FYB1: variants seen among roughly 807,000 people sequenced by gnomAD.
The protein encoded by FYB1 is FYN-binding protein 1.
Under a neutral mutation model 94.1 loss-of-function variants are expected in FYB1, and 41 were observed. The observed-to-expected ratio is 0.44, with a 90% CI of 0.34 to 0.57. The LOEUF is 0.57. Among genes scored for constraint, FYB1 ranks in the 20% least tolerant of loss-of-function variants. The pLI is 0.02. For missense variants in FYB1, 1,050 were observed against 976.8 expected (o/e 1.07, Z -1.00); for synonymous variants, 367 against 353.2 (o/e 1.04, Z -0.44).
chr5:39,138,693 T>G lies in FYB1; in HGVS notation c.1360-2A>C. The G allele has an allele frequency of 1.3e-6, 2 of 1,495,562 alleles. No individual in the cohort carries two copies. Among genetic ancestry groups the G allele is most frequent in the Non-Finnish European group, 1.9e-6 (2 of 1,080,842 alleles). The allele number at this position is 1,495,562 out of a possible 1,614,324, so 92.6% of individuals were successfully genotyped here. ...TGTTTCTCCTTCACTGTCTTGTTCC[T>G]GTAAAGAAAAACATTGATAATGATT... On this transcript the variant is annotated splice_acceptor_variant, in intron 5 of 18. Coordinates refer to ENST00000512982, the MANE Select transcript of FYB1 (RefSeq NM_001465.6). LOFTEE classifies it high-confidence loss of function.
chr5:39,272,811 G>A (rs916608622), intron 1 of FYB1, among the ~76,000 whole-genome samples: 2 of 152,048 alleles, frequency 1.3e-5, no homozygotes, highest in African/African-American at 4.8e-5. Context: ...TATTGGGTAA[G>A]TCTCTGGTTA....
chr5:39,180,385 C>A (rs142317664), intron 2 of FYB1, among the ~76,000 whole-genome samples: 4 of 152,282 alleles, frequency 2.6e-5, no homozygotes, highest in African/African-American at 7.2e-5. Context: ...ATTCCTATTT[C>A]ATTCCTATTC....
rs184293533 is a variant in FYB1 at position 39,198,343 on chromosome 5, C to A, written c.1135+3483G>T. Among the ~76,000 whole-genome samples, 84 of 152,304 alleles carry A rather than the reference C, an allele frequency of 5.5e-4. 1 individual carries two copies. The highest frequency in any genetic ancestry group is 4.8e-3 in the South Asian group (23 of 4,826). ...ATGCTAGGCTCTGTACCATTAATAACATTACTAATAGATAACCTGGCAACT... is the reference window on the plus strand; with the variant it reads ...ATGCTAGGCTCTGTACCATTAATAAAATTACTAATAGATAACCTGGCAACT... On this transcript the variant is annotated intron_variant, in intron 2 of 18. Coordinates refer to ENST00000512982, the MANE Select transcript of FYB1 (RefSeq NM_001465.6).
rs150950404 is a variant in FYB1, at chr5:39,184,974, C to T, written c.1135+16852G>A. The stretch of plus-strand genomic sequence containing the variant: ...GCATCAATATACATTCATTCTTTTC[C>T]CTAGATACAAAGTACTGTAAGTGAA... On this transcript the variant is annotated intron_variant, in intron 2 of 18. Coordinates refer to ENST00000512982, the MANE Select transcript of FYB1 (RefSeq NM_001465.6). 2.5e-3 allele frequency among the ~76,000 whole-genome samples: 382 copies of T among 152,102 alleles called. 2 individuals carry two copies. The highest frequency in any genetic ancestry group is 8.9e-3 in the African/African-American group (368 of 41,490).
At chr5:39,246,007 T>C (rs1419487593) in intron 1 of FYB1, among the ~76,000 whole-genome samples, 1 of 152,260 alleles carries the variant, frequency 6.6e-6, no homozygotes, top group African/African-American at 2.4e-5. Context: ...TTCTACTTTG[T>C]TTTTATTTAG....
chr5:39,248,015 G>T (rs1204661881), intron 1 of FYB1, among the ~76,000 whole-genome samples: 1 of 152,018 alleles, frequency 6.6e-6, no homozygotes, highest in Non-Finnish European at 1.5e-5. Context: ...AGTGTAATAA[G>T]AAGAAAGTTA....
At chr5:39,212,385 G>A (rs1749478584) in intron 1 of FYB1, among the ~76,000 whole-genome samples, 2 of 152,168 alleles carry the variant, frequency 1.3e-5, no homozygotes, top group African/African-American at 4.8e-5. Flanking sequence ...TCGATTTGAG[G>A]AAAGTGAAAG....
intron 13 of FYB1, among the ~76,000 whole-genome samples, chr5:39,123,028 T>G (rs1740274759): frequency 2.0e-5 from 3 of 152,164 alleles, no homozygotes; most frequent in Admixed American, 2.0e-4. Flanking sequence ...GTTCAATGGC[T>G]TTTCCAATCA....
In FYB1 at chr5:39,263,493, T is replaced by C. The variant is rs531701049; in HGVS notation, c.-28+10910A>G. 1.2e-4 allele frequency among the ~76,000 whole-genome samples: 18 copies of C among 152,122 alleles called. No individual in the cohort carries two copies. In the East Asian group the frequency reaches 3.3e-3, roughly 28 times the overall value. ...CAACAGGGAAGTGTGTGGAGTGATA[T>C]TAGCCTATCACTCAGGACTATGATT... is the stretch of plus-strand genomic sequence containing the variant. On this transcript the variant is annotated intron_variant, in intron 1 of 1. Transcript: ENST00000510188.
intron 2 of FYB1, among the ~76,000 whole-genome samples, chr5:39,174,564 C>T (rs528769927): frequency 1.3e-4 from 20 of 152,244 alleles, no homozygotes; most frequent in South Asian, 4.1e-4. Flanking sequence ...AAACACTCTC[C>T]CTTTTTATCA....
rs1038929995 is a variant in FYB1, at chr5:39,178,687, C to A, written c.1135+23139G>T. Among the ~76,000 whole-genome samples, 4 of 151,640 alleles carry A rather than the reference C, an allele frequency of 2.6e-5. No individual in the cohort carries two copies. The South Asian group carries it at 8.3e-4, about 32-fold the overall frequency. Reference sequence around the variant, plus strand: ...GGTTTTTTTTAACTGCAACAAGATTCAAAAAAATGCATAAGTCCTCCCATT... The same window carrying A: ...GGTTTTTTTTAACTGCAACAAGATTAAAAAAAATGCATAAGTCCTCCCATT... On this transcript the variant is annotated intron_variant, in intron 2 of 18. Transcript: ENST00000512982.
chr5:39,116,771 C>CAATT (rs1739606563), intron 16 of FYB1, among the ~76,000 whole-genome samples: 1 of 151,538 alleles, frequency 6.6e-6, no homozygotes, highest in African/African-American at 2.4e-5. Context: ...CCAGCAGCAT[C>CAATT]AATTACCTGG....
chr5:39,219,292 A>T (rs1750111731), intron 1 of FYB1, among the ~76,000 whole-genome samples, 151 bp downstream of exon 1: 1 of 152,080 alleles, frequency 6.6e-6, no homozygotes, highest in South Asian at 2.1e-4. Context: ...TCTCCTGTTC[A>T]TCTCTTTTGC....
intron 5 of FYB1, 159 bp from the exon 6 acceptor site, chr5:39,138,850 A>T (rs1741895313): frequency 1.5e-6 from 1 of 659,392 alleles, no homozygotes; most frequent in African/African-American, 1.8e-5. Flanking sequence ...AAGGAGCCAT[A>T]CTGTGAATTA....
chr5:39,131,355 C>T (rs1741191735), intron 9 of FYB1, among the ~76,000 whole-genome samples: 1 of 152,112 alleles, frequency 6.6e-6, no homozygotes, highest in Admixed American at 6.6e-5. Flanking sequence ...AGAAACCAGG[C>T]TCTGAGAAAT....
chr5:39,130,654 A>C, intron 9 of FYB1, 42 bp from the exon 10 acceptor site: 1 of 1,471,188 alleles, frequency 6.8e-7, no homozygotes, highest in Non-Finnish European at 9.3e-7. Flanking sequence ...TCTATGAATT[A>C]CTTAGCTATG....
intron 1 of FYB1, among the ~76,000 whole-genome samples, chr5:39,263,644 C>G (rs1561317545): frequency 6.6e-6 from 1 of 152,184 alleles, no homozygotes; most frequent in Non-Finnish European, 1.5e-5. Context: ...CCCTGGGACA[C>G]CAGTTCTCAA....
chr5:39,166,307 G>A (rs535295232), intron 2 of FYB1, among the ~76,000 whole-genome samples: 1 of 152,116 alleles, frequency 6.6e-6, no homozygotes, highest in South Asian at 2.1e-4. Context: ...CTGGTGGCAG[G>A]TGCCTGTAAT....
chr5:39,205,945 C>T (rs1748810213), intron 1 of FYB1, among the ~76,000 whole-genome samples: 1 of 152,116 alleles, frequency 6.6e-6, no homozygotes, highest in South Asian at 2.1e-4. Flanking sequence ...ATAAGAATTG[C>T]ACGTAATATA....
Sources: gnomAD v4.1 joint callset for allele counts (sites outside exome capture counted in the v4.1 genomes callset) on GRCh38, gnomAD v4.1.1 for gene constraint, MANE v1.5 for transcripts, NCBI Gene and HGNC (gene_info 2026-07-23, HGNC 2026-07-21) for gene names.